Variants in SSH2 observed in about 807,000 individuals in gnomAD.
SSH2 encodes the protein slingshot protein phosphatase 2, also known as protein phosphatase Slingshot homolog 2.
In SSH2, 37 loss-of-function variants were observed where a neutral mutation model predicts 135.2. The ratio of observed to expected loss-of-function variants is 0.27; its 90% CI spans 0.21 to 0.36. SSH2 has a LOEUF of 0.36. Ranked by LOEUF, SSH2 falls within the 10% of genes least tolerant of loss-of-function variation. SSH2 has a pLI of 1.00. For missense variants in SSH2, 1,408 were observed against 1,765.3 expected, an observed-to-expected ratio of 0.80 and a Z score of 3.63; for synonymous variants, 628 against 646.2, an observed-to-expected ratio of 0.97 and a Z score of 0.43.
chr17:29,767,451 A>G (rs1020478380), intron 3 of SSH2, among the ~76,000 whole-genome samples: 2 of 151,460 alleles, frequency 1.3e-5, no homozygotes, highest in African/African-American at 4.9e-5. Context: ...TAACATTAAC[A>G]CATGCTGAAT....
intron 1 of SSH2, among the ~76,000 whole-genome samples, chr17:29,878,569 T>TA (rs895640561): frequency 6.6e-6 from 1 of 151,958 alleles, no homozygotes; most frequent in Non-Finnish European, 1.5e-5. Context: ...GATGAGATTT[T>TA]AAAAAAAACA....
intron 1 of SSH2, among the ~76,000 whole-genome samples, chr17:29,922,109 G>C (rs2066986692): frequency 6.6e-6 from 1 of 152,100 alleles, no homozygotes; most frequent in African/African-American, 2.4e-5. Context: ...GTTAGGTAGA[G>C]AGATGAGGGA....
At chr17:29,760,370 C>G (rs1308211388) in intron 3 of SSH2, among the ~76,000 whole-genome samples, 1 of 152,116 alleles carries the variant, frequency 6.6e-6, no homozygotes, top group Non-Finnish European at 1.5e-5. Context: ...ATCTAAGTAA[C>G]CTTAAACCAC....
intron 1 of SSH2, among the ~76,000 whole-genome samples, chr17:29,927,430 C>A (rs947885688): frequency 6.6e-5 from 10 of 152,160 alleles, no homozygotes; most frequent in Non-Finnish European, 1.2e-4. Context: ...TGAAACAACA[C>A]TAAAGAGCTG....
Position 29,667,302 on chromosome 17 carries a change from T to C in SSH2, c.810-79A>G. On this transcript the variant is annotated intron_variant, in intron 9 of 15. Transcript: ENST00000540801. ...TTCTTAAATGGGAAAGAAAGAAGAA[T>C]GATCCTGTCTTCTTCAATAAGGCAA... 2.8e-6 allele frequency: 3 copies of C among 1,074,496 alleles called. 1 individual carries two copies. The highest frequency in any genetic ancestry group is 3.1e-5 in the South Asian group (2 of 65,028). The allele number at this position is 1,074,496 out of a possible 1,614,324, so 66.6% of individuals were successfully genotyped here. A position where few individuals can be genotyped will look rare whatever the true frequency, so the allele number is the denominator to read the frequency against.
At position 29,630,981 on chromosome 17, in the gene SSH2, G is replaced by A. The variant is rs768213056; in HGVS notation, c.4213C>T (p.Gln1405Ter). The change falls in exon 16 of 16, where the codon CAG becomes TAG. Residue 1405 changes from glutamine to a stop codon, truncating the protein, a stop_gained. Transcript: ENST00000540801. LOFTEE classifies it high-confidence loss of function. ...GCTGGGCATGCACACTGCAGTCCCT[G>A]GGTCTGTAGCACGGGAAGGCCTCCT... ...SEGGLPVLQTQGLQCACPAPG... is the reference protein window; with the variant it reads ...SEGGLPVLQT 10 of 1,613,690 alleles carry A rather than the reference G, an allele frequency of 6.2e-6. No individual in the cohort carries two copies. In the South Asian group the frequency reaches 1.1e-4, roughly 18 times the overall value.
intron 1 of SSH2, among the ~76,000 whole-genome samples, chr17:29,923,077 A>C (rs1412077778): frequency 6.6e-6 from 1 of 152,004 alleles, no homozygotes; most frequent in African/African-American, 2.4e-5. Flanking sequence ...CACCCAGCTA[A>C]TTTTTTGTAT....
At chr17:29,702,830 C>A (rs1018699130) in intron 4 of SSH2, 129 bp downstream of exon 4, 17 of 746,142 alleles carry the variant, frequency 2.3e-5, no homozygotes, top group Non-Finnish European at 2.2e-6. Context: ...AAAGTCATTA[C>A]GGCCCTGTAC....
At chr17:29,667,637 G>T (rs2037334154) in intron 9 of SSH2, among the ~76,000 whole-genome samples, 1 of 152,214 alleles carries the variant, frequency 6.6e-6, no homozygotes. Flanking sequence ...TGCTCCGTCT[G>T]TGGAAACTGG....
intron 1 of SSH2, among the ~76,000 whole-genome samples, chr17:29,882,236 A>T (rs2066150835): frequency 6.6e-6 from 1 of 152,246 alleles, no homozygotes; most frequent in Non-Finnish European, 1.5e-5. Flanking sequence ...ACACTTACCA[A>T]AACCTTTCAA....
intron 3 of SSH2, among the ~76,000 whole-genome samples, chr17:29,740,632 G>C (rs1349918477): frequency 6.6e-6 from 1 of 152,122 alleles, no homozygotes; most frequent in East Asian, 1.9e-4. Flanking sequence ...TCCCTAAAAA[G>C]TTAATCTCCT....
At chr17:29,708,668 A>C (rs1246039454) in intron 3 of SSH2, among the ~76,000 whole-genome samples, 1 of 151,418 alleles carries the variant, frequency 6.6e-6, no homozygotes, top group East Asian at 1.9e-4. Context: ...TTCTGAATTG[A>C]CTAGTTCTGT....
intron 3 of SSH2, among the ~76,000 whole-genome samples, chr17:29,744,642 T>C (rs2040692341): frequency 6.6e-6 from 1 of 152,210 alleles, no homozygotes; most frequent in African/African-American, 2.4e-5. Context: ...AGCCATTAAT[T>C]GGCAACTAGG....
At chr17:29,706,545 G>A (rs768021049) in intron 3 of SSH2, among the ~76,000 whole-genome samples, 4 of 152,202 alleles carry the variant, frequency 2.6e-5, no homozygotes, top group East Asian at 3.9e-4. Flanking sequence ...CTCACATTAC[G>A]GGAACAACCT....
chr17:29,744,778 G>C (rs2628179), intron 3 of SSH2, among the ~76,000 whole-genome samples: 93,095 of 151,892 alleles, frequency 0.61, 30,928 homozygotes, highest in African/African-American at 0.88. Context: ...CCCTGCCTAC[G>C]ACGTGATGCT....
chr17:29,660,107 C>T (rs540343601), intron 11 of SSH2, among the ~76,000 whole-genome samples: 128 of 152,016 alleles, frequency 8.4e-4, no homozygotes, highest in African/African-American at 2.8e-3. Flanking sequence ...GGATTACAGG[C>T]GTGAGCCACC....
intron 2 of SSH2, among the ~76,000 whole-genome samples, chr17:29,806,787 C>T (rs1325778272): frequency 1.3e-5 from 2 of 152,188 alleles, no homozygotes; most frequent in Non-Finnish European, 2.9e-5. Flanking sequence ...GTTCTCTAAA[C>T]TTTGGTTTAA....
chr17:29,697,554 G>A (rs938745462), intron 4 of SSH2, among the ~76,000 whole-genome samples: 1 of 152,120 alleles, frequency 6.6e-6, no homozygotes, highest in African/African-American at 2.4e-5. Flanking sequence ...CACTTTGGGA[G>A]GCTGAAGCGG....
chr17:29,738,850 G>A (rs972366705), intron 3 of SSH2, among the ~76,000 whole-genome samples: 2 of 152,084 alleles, frequency 1.3e-5, no homozygotes, highest in African/African-American at 4.8e-5. Context: ...CACCACGCCC[G>A]GCCTCTGCGG....
Sources: gnomAD v4.1 joint callset for allele counts (sites outside exome capture counted in the v4.1 genomes callset) on GRCh38, gnomAD v4.1.1 for gene constraint, MANE v1.5 for transcripts, NCBI Gene and HGNC (gene_info 2026-07-23, HGNC 2026-07-21) for gene names.